Variants in LIMCH1 observed in about 807,000 individuals in gnomAD.
LIMCH1 encodes LIM and calponin homology domains 1, also known as LIM and calponin homology domains-containing protein 1.
A neutral mutation model predicts 176.5 loss-of-function variants in LIMCH1; 113 were observed. That is an observed-to-expected ratio of 0.64 (90% CI 0.55 to 0.75). LIMCH1 has a LOEUF of 0.75. Among genes scored for constraint, LIMCH1 ranks in the 30% least tolerant of loss-of-function variants. The pLI is 0.00. For missense variants in LIMCH1, 1,674 were observed against 1,814.9 expected (o/e 0.92, Z 1.41); for synonymous variants, 619 against 645.9 (o/e 0.96, Z 0.63).
chr4:41,457,367 A>G lies in LIMCH1; in HGVS notation c.97-37169A>G, dbSNP rs188507257. Among the ~76,000 whole-genome samples, 134 of 152,190 alleles carry G rather than the reference A, an allele frequency of 8.8e-4. No homozygotes were observed. In the Middle Eastern group the frequency reaches 0.024, roughly 27 times the overall value. On this transcript the variant is annotated intron_variant, in intron 1 of 26. Coordinates refer to the LIMCH1 transcript ENST00000313860. ...ATGGATTGATATTTTTATATAACGT[A>G]GGGAAATTATGTGGATTTTAACTGG...
At chr4:41,361,518 C>G (rs1242375873) in intron 1 of LIMCH1, among the ~76,000 whole-genome samples, 1 of 152,194 alleles carries the variant, frequency 6.6e-6, no homozygotes, top group Non-Finnish European at 1.5e-5. Context: ...CTTGCAAGAC[C>G]CACCTGCGAG....
intron 1 of LIMCH1, among the ~76,000 whole-genome samples, chr4:41,489,654 A>G (rs1294631595): frequency 6.6e-6 from 1 of 152,184 alleles, no homozygotes; most frequent in Admixed American, 6.5e-5. Flanking sequence ...CATATTTTGT[A>G]TGAATTCTTT....
chr4:41,584,047 A>T (rs6838577), intron 1 of LIMCH1, among the ~76,000 whole-genome samples: 52,745 of 152,020 alleles, frequency 0.35, 14,620 homozygotes, highest in African/African-American at 0.77. Context: ...GGCTCTTTGC[A>T]CTCACACTCA....
intron 1 of LIMCH1, among the ~76,000 whole-genome samples, chr4:41,493,094 C>T (rs576609566): frequency 4.4e-4 from 67 of 152,124 alleles, no homozygotes; most frequent in Admixed American, 3.6e-3. Flanking sequence ...AAGTGCATTT[C>T]TGTAGACAGT....
chr4:41,570,327 G>T (rs1352501353), intron 1 of LIMCH1, among the ~76,000 whole-genome samples: 3 of 152,244 alleles, frequency 2.0e-5, no homozygotes, highest in African/African-American at 7.2e-5. Flanking sequence ...AGGGGTTAAA[G>T]AAATACTTTC....
At chr4:41,627,611 C>T (rs1478500184) in intron 8 of LIMCH1, among the ~76,000 whole-genome samples, 1 of 152,188 alleles carries the variant, frequency 6.6e-6, no homozygotes, top group African/African-American at 2.4e-5. Context: ...TGTTTTCAAG[C>T]CAGTTTCCTT....
Position 41,666,509 on chromosome 4 carries a change from A to C in LIMCH1, c.3292-52A>C. 3.5e-6 allele frequency: 4 copies of C among 1,145,626 alleles called. No individual in the cohort carries two copies. In the Admixed American group the frequency reaches 6.8e-5, roughly 20 times the overall value. The allele number at this position is 1,145,626 out of a possible 1,614,324, so 71.0% of individuals were successfully genotyped here. A position where few individuals can be genotyped will look rare whatever the true frequency, so the allele number is the denominator to read the frequency against. On this transcript the variant is annotated intron_variant, in intron 20 of 31. Coordinates refer to ENST00000503057, the MANE Select transcript of LIMCH1 (RefSeq NM_001330672.2). ...TCCTTAAATTGTGTGTCACCTGTGC[A>C]TTTATCAATGGACAGTTCTTGCAAT...
At chr4:41,643,733 T>G (rs987507667) in intron 14 of LIMCH1, among the ~76,000 whole-genome samples, 1 of 152,236 alleles carries the variant, frequency 6.6e-6, no homozygotes, top group African/African-American at 2.4e-5. Context: ...ACTGTGTGCA[T>G]ATTAGAATAC....
At chr4:41,618,321 T>C (rs2092299318) in intron 5 of LIMCH1, among the ~76,000 whole-genome samples, 1 of 152,182 alleles carries the variant, frequency 6.6e-6, no homozygotes, top group African/African-American at 2.4e-5. Flanking sequence ...GAATACTATA[T>C]AATTATTGGG....
chr4:41,546,550 C>G (rs1193245828), intron 1 of LIMCH1, among the ~76,000 whole-genome samples: 4 of 151,368 alleles, frequency 2.6e-5, no homozygotes, highest in Admixed American at 6.6e-5. Context: ...CAACTTTCTT[C>G]TTTTTTATTC....
intron 1 of LIMCH1, among the ~76,000 whole-genome samples, chr4:41,555,915 T>C (rs1302658505): frequency 6.6e-6 from 1 of 152,084 alleles, no homozygotes; most frequent in Non-Finnish European, 1.5e-5. Context: ...TTAATTTTTC[T>C]TGTACTTTTT....
intron 1 of LIMCH1, among the ~76,000 whole-genome samples, chr4:41,420,631 C>T (rs890342027): frequency 2.9e-4 from 44 of 152,176 alleles, no homozygotes; most frequent in African/African-American, 1.0e-3. Flanking sequence ...GATTCCTCCT[C>T]CCCAAGGAGG....
At chr4:41,478,387 T>C (rs2068065434) in intron 1 of LIMCH1, among the ~76,000 whole-genome samples, 1 of 152,244 alleles carries the variant, frequency 6.6e-6, no homozygotes, top group African/African-American at 2.4e-5. Context: ...CAAGCCCTTT[T>C]AAAGGATAGG....
intron 8 of LIMCH1, 22 bp downstream of exon 8, chr4:41,627,032 G>T: frequency 1.3e-6 from 2 of 1,511,816 alleles, no homozygotes; most frequent in Non-Finnish European, 1.8e-6. Flanking sequence ...GTGTGTGTGT[G>T]TGTGTGTGTG....
intron 25 of LIMCH1, 152 bp from the exon 26 acceptor site, chr4:41,682,181 G>A (rs893038708): frequency 2.0e-6 from 1 of 502,374 alleles, no homozygotes; most frequent in Admixed American, 3.7e-5. Context: ...CAAATAGTTG[G>A]AAATCAGTTG....
chr4:41,464,109 G>A (rs1349742197), intron 1 of LIMCH1, among the ~76,000 whole-genome samples: 1 of 151,602 alleles, frequency 6.6e-6, no homozygotes, highest in African/African-American at 2.4e-5. Flanking sequence ...TTGTTCCTGG[G>A]TTCAGCTGAT....
At position 41,680,012 on chromosome 4, in the gene LIMCH1, T is replaced by A. The variant is rs1291280111; in HGVS notation, c.3526T>A (p.Tyr1176Asn). Residue 1176 changes from tyrosine (Y) to asparagine (N), a missense_variant, in exon 24 of 32, where the codon TAC (tyrosine) becomes AAC (asparagine). Physicochemically the swap from Tyr to Asn is moderately radical, Grantham distance 143. Around this residue, in one of 3 missense-constraint regions of LIMCH1, gnomAD observed 1,015 missense variants for 1,102.5 expected, o/e 0.92. Transcript: ENST00000503057. ...QEQERLLQER[Y>N]QKEQDKLKEE... ...TATGGAAATTCCATAACAGGAGAGA[T>A]ACCAGAAGGAGCAGGACAAGCTGAA... 6.2e-7 allele frequency: 1 copy of A among 1,607,742 alleles called. No homozygotes were observed. Among genetic ancestry groups the A allele is most frequent in the Non-Finnish European group, 8.5e-7 (1 of 1,176,648 alleles).
At chr4:41,687,580 C>A (rs1721900831) in intron 28 of LIMCH1, among the ~76,000 whole-genome samples, 1 of 151,864 alleles carries the variant, frequency 6.6e-6, no homozygotes, top group African/African-American at 2.4e-5. Flanking sequence ...ATAAAAAATT[C>A]TGTCTTTTCT....
intron 21 of LIMCH1, 42 bp downstream of exon 21, chr4:41,666,708 C>T (rs543752477): frequency 6.6e-5 from 85 of 1,282,622 alleles, no homozygotes; most frequent in Non-Finnish European, 9.0e-5. Context: ...ATGTTCTGGG[C>T]CCATCTGTAG....
Sources: gnomAD v4.1 joint callset for allele counts (sites outside exome capture counted in the v4.1 genomes callset) on GRCh38, gnomAD v4.1.1 for gene constraint, gnomAD v4.1.1 regional missense constraint, MANE v1.5 for transcripts, NCBI Gene and HGNC (gene_info 2026-07-23, HGNC 2026-07-21) for gene names.